CPS1: variants seen among roughly 807,000 people sequenced by gnomAD.
CPS1 encodes the protein carbamoyl-phosphate synthase 1, also known as carbamoyl-phosphate synthase [ammonia], mitochondrial.
A neutral mutation model predicts 174.6 loss-of-function variants in CPS1; 109 were observed. That is an observed-to-expected ratio of 0.62 (90% CI 0.53 to 0.73). The LOEUF is 0.73. Among genes scored for constraint, CPS1 ranks in the 30% least tolerant of loss-of-function variants. The pLI, the probability that CPS1 is intolerant of heterozygous loss-of-function variation, is 0.00. For synonymous variants in CPS1, 637 were observed against 632.0 expected (o/e 1.01, Z -0.12); for missense variants, 1,689 against 1,821.9 (o/e 0.93, Z 1.33).
chr2:210,529,037 A>C (rs1433418824), intron 1 of CPS1, among the ~76,000 whole-genome samples: 1 of 151,968 alleles, frequency 6.6e-6, no homozygotes, highest in South Asian at 2.1e-4. Context: ...TTTGAATGCA[A>C]GATGGTGAGA....
chr2:210,590,150 CAAG>C lies in CPS1; in HGVS notation c.758_760del (p.Lys253del). The C allele has an allele frequency of 6.2e-7, 1 of 1,612,806 alleles. No individual in the cohort carries two copies. Among genetic ancestry groups the C allele is most frequent in the East Asian group, 2.2e-5 (1 of 44,824 alleles). On this transcript the variant is annotated inframe_deletion, in exon 8 of 38. Transcript: ENST00000233072. ...TAGTTCCCTGGAACCATGATTTCAC[CAAG>C]ATGGAGTATGATGGGATTTTGATCG...
Position 210,508,757 on chromosome 2 carries a change from C to T in CPS1, c.3+30991C>T, listed in dbSNP as rs538824470. On this transcript the variant is annotated intron_variant, in intron 1 of 38. Coordinates refer to the CPS1 transcript ENST00000430249. ...TCAGAGAATAGTATAAACACCTCTACGCAAATAAACTAGAAAATCTAGAAG... is the reference window on the plus strand; with the variant it reads ...TCAGAGAATAGTATAAACACCTCTATGCAAATAAACTAGAAAATCTAGAAG... Among the ~76,000 whole-genome samples, 238 of 152,204 alleles carry T rather than the reference C, an allele frequency of 1.6e-3. 3 individuals are homozygous for T. The East Asian group carries it at 0.022, about 14-fold the overall frequency.
chr2:210,486,520 CT>C (rs540136761), intron 1 of CPS1, among the ~76,000 whole-genome samples: 142 of 152,150 alleles, frequency 9.3e-4, no homozygotes, highest in African/African-American at 3.4e-3. Flanking sequence ...AGCCTCTTTT[CT>C]TTTTTTGAGA....
chr2:210,578,364 C>A (rs1359932358), intron 4 of CPS1, among the ~76,000 whole-genome samples: 1 of 152,190 alleles, frequency 6.6e-6, no homozygotes, highest in African/African-American at 2.4e-5. Flanking sequence ...CCCGACTCAG[C>A]CTCCCAAAGT....
chr2:210,595,455 T>C (rs751345055), intron 12 of CPS1, 32 bp from the exon 13 acceptor site: 2 of 1,458,536 alleles, frequency 1.4e-6, no homozygotes, highest in Non-Finnish European at 1.9e-6. Context: ...ATTTTAGCAG[T>C]AATAACAGTG....
chr2:210,547,709 T>A (rs565058700), intron 1 of CPS1, among the ~76,000 whole-genome samples: 2 of 152,110 alleles, frequency 1.3e-5, no homozygotes, highest in African/African-American at 2.4e-5. Context: ...AAGTAAAAGA[T>A]GTGTTTAATA....
chr2:210,489,417 A>G (rs1317844534), intron 1 of CPS1, among the ~76,000 whole-genome samples: 9 of 152,148 alleles, frequency 5.9e-5, no homozygotes, highest in Admixed American at 5.9e-4. Context: ...GTGCTGGTTC[A>G]TTCACTGGCA....
At chr2:210,479,795 T>G (rs187737660) in intron 1 of CPS1, among the ~76,000 whole-genome samples, 3 of 152,320 alleles carry the variant, frequency 2.0e-5, no homozygotes, top group Admixed American at 2.0e-4. Context: ...TTGATAAATT[T>G]AGGATGATTT....
intron 6 of CPS1, among the ~76,000 whole-genome samples, chr2:210,585,432 T>C (rs1428030694): frequency 6.6e-6 from 1 of 152,074 alleles, no homozygotes; most frequent in Non-Finnish European, 1.5e-5. Flanking sequence ...GTACTTATTA[T>C]CTGCTAGGTT....
At chr2:210,584,823 A>G (rs1698053531) in intron 6 of CPS1, among the ~76,000 whole-genome samples, 1 of 152,006 alleles carries the variant, frequency 6.6e-6, no homozygotes, top group African/African-American at 2.4e-5. Context: ...CAATTTCTAG[A>G]TTTATGTTCC....
At chr2:210,642,373 A>C (rs1031656355) in intron 24 of CPS1, 111 bp from the exon 25 acceptor site, 2 of 1,329,186 alleles carry the variant, frequency 1.5e-6, no homozygotes, top group African/African-American at 2.9e-5. Context: ...AATTGAATTG[A>C]AAATCATTAG....
rs1267953850 is a variant in CPS1, at chr2:210,510,400, T to G, written c.3+32634T>G. On this transcript the variant is annotated intron_variant, in intron 1 of 38. Transcript: ENST00000430249. ...ATTCAAGATGGATTAAAGATTTAAA[T>G]GTTAGACCTAAAACCATAAAAACCC... Among the ~76,000 whole-genome samples, 3 of 152,276 alleles carry G rather than the reference T, an allele frequency of 2.0e-5. No individual in the cohort carries two copies. The East Asian group carries it at 5.8e-4, about 29-fold the overall frequency.
intron 3 of CPS1, among the ~76,000 whole-genome samples, chr2:210,576,842 A>G (rs527746301): frequency 4.1e-4 from 63 of 152,282 alleles, no homozygotes; most frequent in African/African-American, 1.5e-3. Context: ...TTTTAATCTT[A>G]GCCTCTAGGG....
At chr2:210,625,503 A>G (rs1338088647) in intron 21 of CPS1, among the ~76,000 whole-genome samples, 1 of 152,098 alleles carries the variant, frequency 6.6e-6, no homozygotes, top group Non-Finnish European at 1.5e-5. Context: ...ATTTTATGAA[A>G]GAAATGATGA....
At chr2:210,590,931 C>G (rs920214738) in intron 9 of CPS1, 25 bp downstream of exon 9, 1 of 1,570,032 alleles carries the variant, frequency 6.4e-7, no homozygotes, top group Non-Finnish European at 8.7e-7. Flanking sequence ...CTTTTGCTTA[C>G]AGTAAACCAG....
chr2:210,610,945 A>C (rs902021762), intron 19 of CPS1, among the ~76,000 whole-genome samples: 1 of 151,930 alleles, frequency 6.6e-6, no homozygotes, highest in Non-Finnish European at 1.5e-5. Context: ...GATAAATTTT[A>C]AATATGTAAT....
chr2:210,547,421 G>C (rs1203251650), intron 1 of CPS1, among the ~76,000 whole-genome samples: 1 of 151,908 alleles, frequency 6.6e-6, no homozygotes, highest in Non-Finnish European at 1.5e-5. Context: ...TCAGTTCACT[G>C]TAATATTTCA....
In CPS1 at chr2:210,605,244, C is replaced by T. The variant is rs1698866637; in HGVS notation, c.1979C>T (p.Thr660Ile). ...AATGTTGATGCCATGGGTGTTCACACAGGTAGGCAAAGTATCTTCAAGAAC... is the reference window on the plus strand; with the variant it reads ...AATGTTGATGCCATGGGTGTTCACATAGGTAGGCAAAGTATCTTCAAGAAC... ...MENVDAMGVH[T>I]GDSVVVAPAQ... The change falls in exon 17 of 38, where the codon ACA (threonine) becomes ATA (isoleucine). Residue 660 changes from threonine (T) to isoleucine (I), a missense_variant and splice_region_variant. Thr to Ile is a moderately conservative substitution (Grantham distance 89). Transcript: ENST00000233072. 6.2e-7 allele frequency: 1 copy of T among 1,611,804 alleles called. No individual in the cohort carries two copies. The highest frequency in any genetic ancestry group is 1.3e-5 in the African/African-American group (1 of 74,738).
intron 9 of CPS1, 23 bp from the exon 10 acceptor site, chr2:210,591,808 T>G (rs1319924894): frequency 6.2e-7 from 1 of 1,610,514 alleles, no homozygotes; most frequent in African/African-American, 1.3e-5. Flanking sequence ...TTTTCCCTAT[T>G]CTTTTTCTCC....
Sources: gnomAD v4.1 joint callset for allele counts (sites outside exome capture counted in the v4.1 genomes callset) on GRCh38, gnomAD v4.1.1 for gene constraint, MANE v1.5 for transcripts, NCBI Gene and HGNC (gene_info 2026-07-23, HGNC 2026-07-21) for gene names.